ESRRG: variants seen among roughly 807,000 people sequenced by gnomAD.
ESRRG encodes estrogen related receptor gamma, also known as estrogen-related receptor gamma.
ESRRG carries 13 observed loss-of-function variants against 44.0 expected under a neutral mutation model. The observed-to-expected ratio is 0.30, with a 90% CI of 0.19 to 0.47. ESRRG has a LOEUF of 0.47. Among genes scored for constraint, ESRRG ranks in the 20% least tolerant of loss-of-function variants. ESRRG has a pLI of 1.00. For synonymous variants in ESRRG, 215 were observed against 214.6 expected (o/e 1.00, Z -0.02); for missense variants, 395 against 580.6 (o/e 0.68, Z 3.29).
At chr1:216,666,185 C>A (rs757241039) in intron 2 of ESRRG, among the ~76,000 whole-genome samples, 2 of 152,136 alleles carry the variant, frequency 1.3e-5, no homozygotes, top group Non-Finnish European at 2.9e-5. Context: ...TCCCCCACAA[C>A]TAGTTACCAA....
intron 6 of ESRRG, among the ~76,000 whole-genome samples, chr1:216,516,895 A>G (rs2044499728): frequency 6.6e-6 from 1 of 152,118 alleles, no homozygotes; most frequent in Non-Finnish European, 1.5e-5. Flanking sequence ...AAAGAAAATG[A>G]CTTTCTGAGT....
intron 2 of ESRRG, among the ~76,000 whole-genome samples, chr1:216,878,262 C>A (rs1466164224): frequency 6.6e-6 from 1 of 152,098 alleles, no homozygotes; most frequent in Non-Finnish European, 1.5e-5. Flanking sequence ...ACCTTTTAAA[C>A]TGAGATTGCT....
chr1:217,039,456 C>A (rs1163205414), intron 1 of ESRRG, among the ~76,000 whole-genome samples: 1 of 152,146 alleles, frequency 6.6e-6, no homozygotes, highest in African/African-American at 2.4e-5. Context: ...CAAGGAGGAG[C>A]AAGTCACATC....
chr1:216,875,752 G>A (rs1019788416), intron 2 of ESRRG, among the ~76,000 whole-genome samples: 2 of 152,024 alleles, frequency 1.3e-5, no homozygotes, highest in Non-Finnish European at 2.9e-5. Flanking sequence ...ATCTTTTGGT[G>A]CATATTCTGT....
At chr1:216,672,357 G>A (rs1375414373) in intron 2 of ESRRG, among the ~76,000 whole-genome samples, 1 of 152,128 alleles carries the variant, frequency 6.6e-6, no homozygotes, top group Non-Finnish European at 1.5e-5. Flanking sequence ...TAGTCAACAA[G>A]TAAAATATTC....
intron 1 of ESRRG, among the ~76,000 whole-genome samples, chr1:216,964,104 T>C (rs1352544612): frequency 6.6e-6 from 1 of 152,038 alleles, no homozygotes; most frequent in Non-Finnish European, 1.5e-5. Flanking sequence ...GGAAGACAGG[T>C]GCACAGAATA....
At chr1:217,062,828 C>T (rs546450631) in intron 1 of ESRRG, among the ~76,000 whole-genome samples, 1 of 152,254 alleles carries the variant, frequency 6.6e-6, no homozygotes, top group African/African-American at 2.4e-5. Flanking sequence ...AAAACATCAC[C>T]TGGTTTGGGT....
intron 2 of ESRRG, among the ~76,000 whole-genome samples, chr1:216,801,991 T>C (rs1297596947): frequency 6.6e-6 from 1 of 152,174 alleles, no homozygotes; most frequent in East Asian, 1.9e-4. Context: ...GAGTTCATTG[T>C]ACACTTGTTA....
chr1:216,642,044 C>G (rs749901592), intron 3 of ESRRG, among the ~76,000 whole-genome samples: 3 of 152,178 alleles, frequency 2.0e-5, no homozygotes, highest in Non-Finnish European at 4.4e-5. Context: ...CCCATAGCCT[C>G]TGAAGAATCC....
intron 4 of ESRRG, among the ~76,000 whole-genome samples, chr1:216,567,532 C>T (rs2059901904): frequency 1.3e-5 from 2 of 152,058 alleles, no homozygotes; most frequent in African/African-American, 2.4e-5. Flanking sequence ...TAATGAGGCC[C>T]CTAATGTATT....
intron 1 of ESRRG, among the ~76,000 whole-genome samples, chr1:216,983,799 A>G (rs911274223): frequency 6.9e-6 from 1 of 144,628 alleles, no homozygotes; most frequent in Non-Finnish European, 1.5e-5. Flanking sequence ...CCAAGTTATT[A>G]TAAAAAATGC....
intron 2 of ESRRG, among the ~76,000 whole-genome samples, chr1:216,902,493 A>C (rs998897492): frequency 3.3e-5 from 5 of 152,048 alleles, no homozygotes; most frequent in Non-Finnish European, 7.4e-5. Context: ...AAAAGAAAAA[A>C]AAAAAAGGAA....
chr1:216,754,609 C>T (rs559819078), intron 2 of ESRRG, among the ~76,000 whole-genome samples: 7 of 151,796 alleles, frequency 4.6e-5, no homozygotes, highest in East Asian at 1.9e-4. Context: ...ATCATTCAGC[C>T]GCCGGGCTCT....
intron 2 of ESRRG, among the ~76,000 whole-genome samples, chr1:216,848,251 G>T (rs574548259): frequency 2.3e-4 from 35 of 152,240 alleles, no homozygotes; most frequent in African/African-American, 8.4e-4. Flanking sequence ...TGCTTCTGGG[G>T]TGGGAATGAA....
In ESRRG at chr1:216,762,510, A is replaced by T. The variant is rs542503923; in HGVS notation, c.-13-85019T>A. On this transcript the variant is annotated intron_variant, in intron 2 of 7. Coordinates refer to the ESRRG transcript ENST00000359162. ...CATAGGTGGGAATTGAACAATGAGA[A>T]CACATGGACACAGGAAGGGGAACAT... is the stretch of plus-strand genomic sequence containing the variant. 6.0e-3 allele frequency among the ~76,000 whole-genome samples: 879 copies of T among 146,296 alleles called. 22 individuals are homozygous for T. The highest frequency in any genetic ancestry group is 0.045 in the Admixed American group (663 of 14,626).
At chr1:216,930,326 C>T (rs1203487091) in intron 2 of ESRRG, among the ~76,000 whole-genome samples, 1 of 152,120 alleles carries the variant, frequency 6.6e-6, no homozygotes, top group Non-Finnish European at 1.5e-5. Context: ...TTCAACTTTG[C>T]CCTCCCCCAT....
chr1:216,532,847 C>T (rs557540299), intron 5 of ESRRG, among the ~76,000 whole-genome samples: 19 of 152,228 alleles, frequency 1.2e-4, no homozygotes, highest in East Asian at 7.7e-4. Flanking sequence ...TAATACTTGA[C>T]GGGAACAAAT....
intron 3 of ESRRG, among the ~76,000 whole-genome samples, chr1:216,569,190 G>GGGAAGGGAGAGGAAAGGAAAGGAAA (rs1553356429): frequency 9.3e-5 from 5 of 53,838 alleles, no homozygotes; most frequent in African/African-American, 5.8e-4. Flanking sequence ...GGGAAGGGAA[G>GGGAAGGGAGAGGAAAGGAAAGGAAA]GGAAAGGAAA....
chr1:217,005,063 G>C (rs2077546204), intron 1 of ESRRG, among the ~76,000 whole-genome samples: 1 of 152,124 alleles, frequency 6.6e-6, no homozygotes, highest in African/African-American at 2.4e-5. Flanking sequence ...ATAACTCAGT[G>C]TTGTCAAAAA....
Sources: gnomAD v4.1 joint callset for allele counts (sites outside exome capture counted in the v4.1 genomes callset) on GRCh38, gnomAD v4.1.1 for gene constraint, MANE v1.5 for transcripts, NCBI Gene and HGNC (gene_info 2026-07-23, HGNC 2026-07-21) for gene names.